Variants in ALOX5 observed in about 807,000 individuals in gnomAD.
ALOX5 encodes polyunsaturated fatty acid 5-lipoxygenase.
ALOX5 carries 64 observed loss-of-function variants against 87.9 expected under a neutral mutation model. The observed-to-expected ratio is 0.73, with a 90% confidence interval of 0.60 to 0.90. The LOEUF (loss-of-function observed/expected upper bound fraction) is 0.90. Ranked by LOEUF, ALOX5 falls within the 40% of genes least tolerant of loss-of-function variation. The pLI is 0.00. For missense variants in ALOX5, 822 were observed against 907.5 expected, an observed-to-expected ratio of 0.91 and a Z score of 1.21; for synonymous variants, 388 against 355.1, an observed-to-expected ratio of 1.09 and a Z score of -1.04.
intron 7 of ALOX5, among the ~76,000 whole-genome samples, chr10:45,436,845 C>T (rs1475487011): frequency 6.6e-6 from 1 of 152,094 alleles, no homozygotes; most frequent in Admixed American, 6.6e-5. Context: ...TTTCTTCCAA[C>T]CCATTAGCTG....
intron 3 of ALOX5, among the ~76,000 whole-genome samples, chr10:45,407,680 T>C (rs1840932698): frequency 6.6e-6 from 1 of 152,070 alleles, no homozygotes; most frequent in East Asian, 1.9e-4. Context: ...CATAAACAAA[T>C]GAGGCAGAGG....
chr10:45,440,776 A>G (rs2291427), intron 8 of ALOX5, 143 bp downstream of exon 8: 626,644 of 904,478 alleles, frequency 0.69, 219,159 homozygotes, highest in African/African-American at 0.83. Context: ...CAGAGTCAGT[A>G]ATGCCCCTAA....
At chr10:45,412,423 A>G in intron 4 of ALOX5, 110 bp downstream of exon 4, 1 of 1,417,380 alleles carries the variant, frequency 7.1e-7, no homozygotes, top group Admixed American at 2.2e-5. Context: ...GGAACAGCCT[A>G]GCTGAGCCAA....
At chr10:45,398,395 C>T (rs1332092844) in intron 3 of ALOX5, among the ~76,000 whole-genome samples, 1 of 152,150 alleles carries the variant, frequency 6.6e-6, no homozygotes, top group East Asian at 1.9e-4. Context: ...CTATAAAACT[C>T]TTTTAAGAAA....
At chr10:45,380,024 G>T (rs1839773104) in intron 1 of ALOX5, among the ~76,000 whole-genome samples, 1 of 152,166 alleles carries the variant, frequency 6.6e-6, no homozygotes, top group East Asian at 1.9e-4. Flanking sequence ...CGCGTATCCA[G>T]TCCTGGGCCA....
chr10:45,404,585 G>A (rs1045867435), intron 3 of ALOX5, among the ~76,000 whole-genome samples: 1 of 152,238 alleles, frequency 6.6e-6, no homozygotes, highest in Non-Finnish European at 1.5e-5. Context: ...TATTGAAGAG[G>A]ATCTGGTTGA....
chr10:45,419,679 A>C (rs1051547828), intron 4 of ALOX5, among the ~76,000 whole-genome samples: 3 of 152,216 alleles, frequency 2.0e-5, no homozygotes, highest in Admixed American at 2.0e-4. Flanking sequence ...GGGGAGGTGG[A>C]AGCTGCAGTG....
intron 3 of ALOX5, among the ~76,000 whole-genome samples, chr10:45,396,355 A>G (rs1410838108): frequency 6.6e-6 from 1 of 151,576 alleles, no homozygotes; most frequent in Non-Finnish European, 1.5e-5. Context: ...AATAAGAGAA[A>G]ATCAATACAG....
At position 45,391,074 on chromosome 10, in the gene ALOX5, A is replaced by C. The variant is rs995912365; in HGVS notation, c.350-4781A>C. 2.0e-3 allele frequency among the ~76,000 whole-genome samples: 22 copies of C among 11,226 alleles called. 1 individual carries two copies. The highest frequency in any genetic ancestry group is 6.6e-3 in the Admixed American group (5 of 760). 7.4% of individuals were successfully genotyped at this position (11,226 alleles called of 152,430 possible). On this transcript the variant is annotated intron_variant, in intron 2 of 13. Coordinates refer to ENST00000374391, the MANE Select transcript of ALOX5 (RefSeq NM_000698.5). Reference sequence around the variant, plus strand: ...CTCCCCTCTCCCTCTCCCTCTCCCCACGGTCTCCCTCTCCCTCTCCCCACG... The same window carrying C: ...CTCCCCTCTCCCTCTCCCTCTCCCCCCGGTCTCCCTCTCCCTCTCCCCACG...
intron 2 of ALOX5, among the ~76,000 whole-genome samples, chr10:45,391,762 T>G (rs1297565372): frequency 2.0e-5 from 3 of 149,408 alleles, no homozygotes; most frequent in Non-Finnish European, 4.4e-5. Flanking sequence ...GTCTGGGAGG[T>G]GAGGAGCGCC....
intron 4 of ALOX5, among the ~76,000 whole-genome samples, chr10:45,417,629 G>A (rs968784454): frequency 1.3e-5 from 2 of 152,108 alleles, no homozygotes; most frequent in Non-Finnish European, 2.9e-5. Context: ...TTGGAGGCTC[G>A]CTCTAAAAAG....
chr10:45,384,398 TA>T (rs1404508863), intron 2 of ALOX5, among the ~76,000 whole-genome samples: 1 of 152,204 alleles, frequency 6.6e-6, no homozygotes, highest in Non-Finnish European at 1.5e-5. Context: ...TTGGTAACTT[TA>T]AACAGCCATT....
chr10:45,389,546 C>A lies in ALOX5; in HGVS notation c.350-6309C>A, dbSNP rs548374950. ...AGACTGGGGGCCAATATTCAACATT[C>A]TTAAAGAAAAGAATTTTCAACCCAG... On this transcript the variant is annotated intron_variant, in intron 2 of 13. Coordinates refer to ENST00000374391, the MANE Select transcript of ALOX5 (RefSeq NM_000698.5). 3.3e-3 allele frequency among the ~76,000 whole-genome samples: 505 copies of A among 152,296 alleles called. 2 individuals carry two copies. Among genetic ancestry groups the A allele is most frequent in the Non-Finnish European group, 5.5e-3 (373 of 68,026 alleles).
At chr10:45,414,036 C>T (rs936347318) in intron 4 of ALOX5, among the ~76,000 whole-genome samples, 1 of 152,148 alleles carries the variant, frequency 6.6e-6, no homozygotes, top group South Asian at 2.1e-4. Flanking sequence ...TAGATCAATG[C>T]CATCCCCATC....
intron 3 of ALOX5, among the ~76,000 whole-genome samples, chr10:45,400,598 C>CA (rs1312665991): frequency 1.3e-5 from 2 of 151,746 alleles, no homozygotes; most frequent in African/African-American, 4.8e-5. Flanking sequence ...GACTCCATTT[C>CA]AAAAAAAGAA....
chr10:45,391,812 C>T (rs530370520), intron 2 of ALOX5, among the ~76,000 whole-genome samples: 65 of 151,046 alleles, frequency 4.3e-4, no homozygotes, highest in African/African-American at 1.4e-3. Flanking sequence ...GGAGACCCTC[C>T]GCCCGGCAGC....
Position 45,393,038 on chromosome 10 carries a change from G to A in ALOX5, c.350-2817G>A, listed in dbSNP as rs1588995630. 8.5e-5 allele frequency among the ~76,000 whole-genome samples: 13 copies of A among 152,276 alleles called. 1 individual carries two copies. In the South Asian group the frequency reaches 2.7e-3, roughly 32 times the overall value. On this transcript the variant is annotated intron_variant, in intron 2 of 13. Transcript: ENST00000374391. Reference sequence around the variant, plus strand: ...CTACCAGAGGTACAAGGAGGAGCTGGTACCATTCCTTCTGAAACTATTCCA... The same window carrying A: ...CTACCAGAGGTACAAGGAGGAGCTGATACCATTCCTTCTGAAACTATTCCA...
At chr10:45,408,944 A>C (rs974894452) in intron 3 of ALOX5, among the ~76,000 whole-genome samples, 1 of 152,226 alleles carries the variant, frequency 6.6e-6, no homozygotes, top group African/African-American at 2.4e-5. Context: ...TCTAGGTGTT[A>C]ATGAGTTTAG....
At chr10:45,380,051 C>T (rs1341412991) in intron 1 of ALOX5, among the ~76,000 whole-genome samples, 2 of 152,204 alleles carry the variant, frequency 1.3e-5, no homozygotes, top group Non-Finnish European at 2.9e-5. Context: ...CCCCACTCTG[C>T]TCCTCCAGAT....
Sources: allele counts gnomAD v4.1 joint callset (sites outside exome capture counted in the v4.1 genomes callset), GRCh38; gene constraint gnomAD v4.1.1; transcripts MANE v1.5; gene names NCBI Gene and HGNC (gene_info 2026-07-23, HGNC 2026-07-21).